The following CCSER1 variants were observed in gnomAD, a reference collection of about 807,000 sequenced individuals.
CCSER1 encodes the protein coiled-coil serine rich protein 1, also known as serine-rich coiled-coil domain-containing protein 1.
A neutral mutation model predicts 82.0 loss-of-function variants in CCSER1; 41 were observed. The ratio of observed to expected loss-of-function variants is 0.50; its 90% confidence interval spans 0.39 to 0.65. CCSER1 has a LOEUF of 0.65. Ranked by LOEUF, CCSER1 falls within the 30% of genes least tolerant of loss-of-function variation. The probability of loss-of-function intolerance (pLI) is 0.00; values close to 1 mark genes in which losing one functional copy is unlikely to be tolerated. For missense variants in CCSER1, 1,119 were observed against 1,064.2 expected (o/e 1.05, Z -0.72); for synonymous variants, 414 against 383.9 (o/e 1.08, Z -0.92).
At chr4:91,068,181 G>A (rs937303258) in intron 9 of CCSER1, among the ~76,000 whole-genome samples, 19 of 152,154 alleles carry the variant, frequency 1.2e-4, no homozygotes, top group African/African-American at 4.6e-4. Flanking sequence ...AATGTTCATG[G>A]ATTTCCTAGT....
At chr4:90,472,395 A>G (rs1181643060) in intron 5 of CCSER1, among the ~76,000 whole-genome samples, 1 of 152,156 alleles carries the variant, frequency 6.6e-6, no homozygotes, top group Non-Finnish European at 1.5e-5. Flanking sequence ...TTTTTATTAA[A>G]TATTCTCATG....
chr4:91,455,368 G>T (rs1044928627), intron 10 of CCSER1, among the ~76,000 whole-genome samples: 1 of 152,052 alleles, frequency 6.6e-6, no homozygotes, highest in Non-Finnish European at 1.5e-5. Context: ...GCATTAACAG[G>T]TGGGGTCTTT....
intron 5 of CCSER1, among the ~76,000 whole-genome samples, chr4:90,590,208 AG>A (rs1422446411): frequency 1.3e-5 from 2 of 152,224 alleles, no homozygotes; most frequent in Admixed American, 1.3e-4. Context: ...CAGGAGAAAG[AG>A]GTTGCACTGG....
chr4:91,456,352 G>A (rs1179140557), intron 10 of CCSER1, among the ~76,000 whole-genome samples: 25 of 151,922 alleles, frequency 1.6e-4, no homozygotes, highest in Non-Finnish European at 4.4e-5. Flanking sequence ...AATTTTGGAG[G>A]GACTCAAATG....
At chr4:90,782,057 ATAAAC>A in intron 7 of CCSER1, 1 of 667,612 alleles carries the variant, frequency 1.5e-6, no homozygotes, top group Non-Finnish European at 1.9e-6. Context: ...TTATTTCCTG[ATAAAC>A]ACTTTCTTGA....
intron 10 of CCSER1, among the ~76,000 whole-genome samples, chr4:91,155,567 A>G (rs1343254916): frequency 6.6e-6 from 1 of 152,032 alleles, no homozygotes; most frequent in Non-Finnish European, 1.5e-5. Flanking sequence ...ATGAACAAGT[A>G]GAGAGGGTCA....
At chr4:91,430,814 A>G (rs1754254704) in intron 10 of CCSER1, among the ~76,000 whole-genome samples, 1 of 152,240 alleles carries the variant, frequency 6.6e-6, no homozygotes, top group Non-Finnish European at 1.5e-5. Flanking sequence ...GCTTTTGTAC[A>G]TCTACATACC....
intron 10 of CCSER1, among the ~76,000 whole-genome samples, chr4:91,100,499 A>G (rs954622206): frequency 2.0e-5 from 3 of 152,204 alleles, no homozygotes; most frequent in Admixed American, 6.5e-5. Context: ...ATGACAATCA[A>G]TGATATCCTA....
chr4:90,685,833 A>G (rs1453024595), intron 6 of CCSER1, among the ~76,000 whole-genome samples: 2 of 152,198 alleles, frequency 1.3e-5, no homozygotes, highest in Admixed American at 6.5e-5. Flanking sequence ...TTGGTTTGAT[A>G]GTCAACTAAA....
chr4:90,665,543 G>A (rs557634091), intron 6 of CCSER1, among the ~76,000 whole-genome samples: 39 of 152,088 alleles, frequency 2.6e-4, no homozygotes, highest in Admixed American at 1.8e-3. Context: ...GGATGGTCTC[G>A]ATCTCCTGAC....
intron 9 of CCSER1, among the ~76,000 whole-genome samples, chr4:90,982,532 G>A (rs146473590): frequency 6.6e-6 from 1 of 151,854 alleles, no homozygotes; most frequent in African/African-American, 2.4e-5. Context: ...GAATGGGAAA[G>A]ATATTATATA....
At chr4:90,633,651 A>C (rs1185083430) in intron 6 of CCSER1, among the ~76,000 whole-genome samples, 1 of 152,008 alleles carries the variant, frequency 6.6e-6, no homozygotes, top group African/African-American at 2.4e-5. Flanking sequence ...GATAACTATA[A>C]ATCATTATAA....
intron 5 of CCSER1, among the ~76,000 whole-genome samples, chr4:90,584,017 T>TC (rs1226378622): frequency 6.6e-6 from 1 of 152,304 alleles, no homozygotes; most frequent in East Asian, 1.9e-4. Context: ...AATTCAAATG[T>TC]CACGGTGGTA....
At chr4:90,877,376 G>T (rs1223925434) in intron 8 of CCSER1, among the ~76,000 whole-genome samples, 8 of 152,024 alleles carry the variant, frequency 5.3e-5, no homozygotes, top group South Asian at 2.1e-4. Flanking sequence ...ACCTATACAT[G>T]GAAAAAGTAT....
chr4:90,331,973 CT>C (rs1389362245), intron 3 of CCSER1, among the ~76,000 whole-genome samples: 2 of 151,980 alleles, frequency 1.3e-5, no homozygotes, highest in East Asian at 1.9e-4. Context: ...ATTTTTTCCC[CT>C]CTGTCCCCTT....
chr4:90,554,598 T>C (rs1777899474), intron 5 of CCSER1, among the ~76,000 whole-genome samples: 1 of 152,184 alleles, frequency 6.6e-6, no homozygotes, highest in African/African-American at 2.4e-5. Context: ...ATATTGCTAT[T>C]ATATTGCTAC....
intron 10 of CCSER1, among the ~76,000 whole-genome samples, chr4:91,361,427 A>G (rs1301306063): frequency 6.6e-6 from 1 of 151,876 alleles, no homozygotes; most frequent in African/African-American, 2.4e-5. Context: ...TTGGACACAG[A>G]AAGACTTTCT....
At chr4:91,030,671 T>G (rs1740897066) in intron 9 of CCSER1, among the ~76,000 whole-genome samples, 1 of 152,054 alleles carries the variant, frequency 6.6e-6, no homozygotes, top group African/African-American at 2.4e-5. Context: ...AAATTGGTTT[T>G]GGGCCATATT....
At chr4:91,152,954 C>T (rs1730395790) in intron 10 of CCSER1, among the ~76,000 whole-genome samples, 1 of 151,914 alleles carries the variant, frequency 6.6e-6, no homozygotes, top group African/African-American at 2.4e-5. Flanking sequence ...TTTTTTCCTT[C>T]ATTTCTACTT....
Sources: gnomAD v4.1 joint callset for allele counts (sites outside exome capture counted in the v4.1 genomes callset) on GRCh38, gnomAD v4.1.1 for gene constraint, MANE v1.5 for transcripts, NCBI Gene and HGNC (gene_info 2026-07-23, HGNC 2026-07-21) for gene names.